CHD6: variants seen among roughly 807,000 people sequenced by gnomAD.
The protein encoded by CHD6 is ATP-dependent chromatin remodeler CHD6.
In CHD6, 50 loss-of-function variants were observed where a neutral mutation model predicts 276.9. The ratio of observed to expected loss-of-function variants is 0.18; its 90% confidence interval spans 0.14 to 0.23. CHD6 has a LOEUF of 0.23. Ranked by LOEUF, CHD6 falls within the 10% of genes least tolerant of loss-of-function variation. The pLI is 1.00. For missense variants in CHD6, 2,564 were observed against 3,365.8 expected, an observed-to-expected ratio of 0.76 and a Z score of 5.89; for synonymous variants, 1,173 against 1,229.3, an observed-to-expected ratio of 0.95 and a Z score of 0.96.
intron 17 of CHD6, among the ~76,000 whole-genome samples, chr20:41,460,914 CA>C (rs2048526975): frequency 6.6e-6 from 1 of 152,170 alleles, no homozygotes; most frequent in Non-Finnish European, 1.5e-5. Flanking sequence ...CACTCAATGC[CA>C]GCCCAAGAAA....
At chr20:41,599,296 A>T (rs998726761) in intron 1 of CHD6, among the ~76,000 whole-genome samples, 1 of 152,116 alleles carries the variant, frequency 6.6e-6, no homozygotes, top group Non-Finnish European at 1.5e-5. Flanking sequence ...CCCTAACAAC[A>T]CAGCCCCCGA....
At chr20:41,441,984 G>C (rs2047916342) in intron 25 of CHD6, among the ~76,000 whole-genome samples, 1 of 152,226 alleles carries the variant, frequency 6.6e-6, no homozygotes, top group South Asian at 2.1e-4. Flanking sequence ...GAGCTGTCAA[G>C]AGCATAATTT....
chr20:41,562,400 G>C (rs2045310816), intron 1 of CHD6, among the ~76,000 whole-genome samples: 1 of 152,036 alleles, frequency 6.6e-6, no homozygotes, highest in Non-Finnish European at 1.5e-5. Flanking sequence ...AAAGGCTTCT[G>C]TAACAGTTTT....
chr20:41,521,780 C>T (rs1005961555), intron 3 of CHD6, among the ~76,000 whole-genome samples: 1 of 152,158 alleles, frequency 6.6e-6, no homozygotes, highest in South Asian at 2.1e-4. Flanking sequence ...CCCGAAACAT[C>T]CTGCTATGTC....
At chr20:41,451,615 A>G (rs1569092797) in intron 22 of CHD6, among the ~76,000 whole-genome samples, 1 of 152,182 alleles carries the variant, frequency 6.6e-6, no homozygotes, top group Non-Finnish European at 1.5e-5. Context: ...AAACTTTAAG[A>G]GGGTCCAGTT....
At chr20:41,428,337 A>G (rs1356600062) in intron 27 of CHD6, among the ~76,000 whole-genome samples, 1 of 152,206 alleles carries the variant, frequency 6.6e-6, no homozygotes, top group Non-Finnish European at 1.5e-5. Context: ...AGTGTGTGTG[A>G]GGTGCTGTAG....
intron 2 of CHD6, among the ~76,000 whole-genome samples, chr20:41,546,707 T>C (rs1029389384): frequency 2.0e-5 from 3 of 152,224 alleles, no homozygotes; most frequent in Admixed American, 6.5e-5. Context: ...ATTTTATTTT[T>C]ATAATTTTTT....
At chr20:41,466,312 A>G (rs1009899379) in intron 17 of CHD6, among the ~76,000 whole-genome samples, 9 of 152,068 alleles carry the variant, frequency 5.9e-5, no homozygotes, top group Non-Finnish European at 1.2e-4. Context: ...TACAGTACAA[A>G]TTTTTTCCAC....
chr20:41,403,531 GTAAC>G lies in CHD6; in HGVS notation c.*1058_*1061del. The stretch of plus-strand genomic sequence containing the variant: ...ACAGAATGGAGAAATTAATGGAGAA[GTAAC>G]TTTTCATAGCTGTATTATAAAGGGT... On this transcript the variant is annotated 3_prime_UTR_variant, in exon 37 of 37. Transcript: ENST00000373233. 1 of 1,063,006 alleles carries G rather than the reference GTAAC, an allele frequency of 9.4e-7. No homozygotes were observed. The highest frequency in any genetic ancestry group is 1.1e-6 in the Non-Finnish European group (1 of 877,828). The allele number at this position is 1,063,006 out of a possible 1,614,324, so 65.8% of individuals were successfully genotyped here.
intron 1 of CHD6, among the ~76,000 whole-genome samples, chr20:41,583,055 G>A (rs2045557455): frequency 6.6e-6 from 1 of 151,976 alleles, no homozygotes; most frequent in African/African-American, 2.4e-5. Context: ...GGGGATAGAG[G>A]GACTGACGCA....
intron 5 of CHD6, among the ~76,000 whole-genome samples, chr20:41,510,250 C>T (rs2044084922): frequency 6.6e-6 from 1 of 152,196 alleles, no homozygotes; most frequent in Non-Finnish European, 1.5e-5. Context: ...TCAGGCTTTT[C>T]GTTAGCGTGG....
intron 14 of CHD6, among the ~76,000 whole-genome samples, chr20:41,485,024 G>T (rs1265828510): frequency 1.3e-5 from 2 of 152,192 alleles, no homozygotes; most frequent in Admixed American, 6.5e-5. Flanking sequence ...TGAGAGAATG[G>T]AGTAAGAAGT....
intron 33 of CHD6, among the ~76,000 whole-genome samples, chr20:41,416,169 G>C (rs1237718188): frequency 6.6e-6 from 1 of 152,164 alleles, no homozygotes; most frequent in Non-Finnish European, 1.5e-5. Flanking sequence ...TCCATTGTTA[G>C]AGCTCAGTTC....
At chr20:41,557,533 G>T (rs80000436) in intron 1 of CHD6, among the ~76,000 whole-genome samples, 2 of 151,962 alleles carry the variant, frequency 1.3e-5, no homozygotes, top group African/African-American at 4.8e-5. Flanking sequence ...AAAAAAATCA[G>T]GTTCACCCTA....
At position 41,404,048 on chromosome 20, in the gene CHD6, A is replaced by G. The variant is rs1337518850; in HGVS notation, c.*545T>C. On this transcript the variant is annotated 3_prime_UTR_variant, in exon 37 of 37. Transcript: ENST00000373233. Reference sequence around the variant, plus strand: ...GAAATGAATATATGTATTTTCAACCATTAGTTATATACTTCTGTCTATACT... The same window carrying G: ...GAAATGAATATATGTATTTTCAACCGTTAGTTATATACTTCTGTCTATACT... 9.6e-7 allele frequency: 1 copy of G among 1,046,432 alleles called. No individual in the cohort carries two copies. Among genetic ancestry groups the G allele is most frequent in the East Asian group, 5.5e-5 (1 of 18,182 alleles). 64.8% of individuals were successfully genotyped at this position (1,046,432 alleles called of 1,614,324 possible).
chr20:41,520,182 A>T (rs1426734318), intron 3 of CHD6, among the ~76,000 whole-genome samples: 3 of 152,200 alleles, frequency 2.0e-5, no homozygotes, highest in Non-Finnish European at 4.4e-5. Flanking sequence ...CAGGTGCTGG[A>T]GAGGATGTGG....
intron 1 of CHD6, among the ~76,000 whole-genome samples, chr20:41,574,818 G>A (rs1327302318): frequency 6.6e-6 from 1 of 151,922 alleles, no homozygotes; most frequent in Non-Finnish European, 1.5e-5. Flanking sequence ...TGGAGGCAGG[G>A]AACCTGAGGC....
chr20:41,453,539 C>T (rs965384569), intron 20 of CHD6, among the ~76,000 whole-genome samples: 3 of 152,162 alleles, frequency 2.0e-5, no homozygotes, highest in African/African-American at 2.4e-5. Context: ...GCTCCTCACT[C>T]CTTCCCCCAT....
intron 10 of CHD6, among the ~76,000 whole-genome samples, chr20:41,492,926 AT>A (rs1299440951): frequency 3.3e-5 from 5 of 152,250 alleles, no homozygotes; most frequent in Non-Finnish European, 7.3e-5. Flanking sequence ...AAATAAAAAA[AT>A]AAATAAAAGC....
Sources: allele counts gnomAD v4.1 joint callset (sites outside exome capture counted in the v4.1 genomes callset), GRCh38; gene constraint gnomAD v4.1.1; transcripts MANE v1.5; gene names NCBI Gene and HGNC (gene_info 2026-07-23, HGNC 2026-07-21).